The following TTC29 variants were observed in gnomAD, a reference collection of about 807,000 sequenced individuals.
TTC29 encodes the protein tetratricopeptide repeat protein 29.
In TTC29, 49 loss-of-function variants were observed where a neutral mutation model predicts 58.1. That is an observed-to-expected ratio of 0.84 (90% confidence interval 0.67 to 1.07). TTC29 has a LOEUF of 1.07. TTC29 is among the 50% of genes least tolerant of loss of function. The pLI is 0.00. For synonymous variants in TTC29, 209 were observed against 196.8 expected (o/e 1.06, Z -0.52); for missense variants, 582 against 555.6 (o/e 1.05, Z -0.48).
chr4:146,736,687 G>T (rs776743131), intron 11 of TTC29, among the ~76,000 whole-genome samples: 1 of 152,156 alleles, frequency 6.6e-6, no homozygotes, highest in Non-Finnish European at 1.5e-5. Context: ...ATTAAGTAAA[G>T]CTACCCTGAT....
Position 146,808,287 on chromosome 4 carries a change from T to C in TTC29, c.1102-4602A>G, listed in dbSNP as rs1176891094. ...GACAAACCCACAGCCAATATCATAC[T>C]TAATGGGCACAAGCTGGAAGCATTC... On this transcript the variant is annotated intron_variant, in intron 10 of 12. Transcript: ENST00000325106. Among the ~76,000 whole-genome samples the C allele has an allele frequency of 6.6e-5, 10 of 152,332 alleles. 1 individual carries two copies. The highest frequency in any genetic ancestry group is 3.4e-3 in the Middle Eastern group (1 of 294).
intron 6 of TTC29, among the ~76,000 whole-genome samples, chr4:146,894,134 G>A (rs1007156387): frequency 6.6e-6 from 1 of 151,762 alleles, no homozygotes; most frequent in Non-Finnish European, 1.5e-5. Flanking sequence ...ATTCCTCAGG[G>A]ATCTAGAACT....
intron 4 of TTC29, among the ~76,000 whole-genome samples, chr4:146,936,369 AATT>A (rs1163605127): frequency 6.6e-6 from 1 of 152,162 alleles, no homozygotes; most frequent in African/African-American, 2.4e-5. Context: ...ATTTAATTCC[AATT>A]ATTAAGCCAA....
chr4:146,921,924 A>G (rs1450366572), intron 4 of TTC29, among the ~76,000 whole-genome samples: 6 of 149,816 alleles, frequency 4.0e-5, no homozygotes, highest in Non-Finnish European at 1.5e-5. Context: ...TTGTAAATTG[A>G]TACATTTAGT....
At chr4:146,884,136 A>G (rs759496743) in intron 6 of TTC29, among the ~76,000 whole-genome samples, 6 of 152,150 alleles carry the variant, frequency 3.9e-5, no homozygotes, top group Admixed American at 1.3e-4. Context: ...TAGATGAAGA[A>G]TAAACTGACA....
At chr4:146,841,631 GTTCT>G (rs1436258702) in intron 8 of TTC29, among the ~76,000 whole-genome samples, 3 of 151,354 alleles carry the variant, frequency 2.0e-5, no homozygotes, top group African/African-American at 7.3e-5. Flanking sequence ...CCTTCCCATT[GTTCT>G]TTCTTCCTGA....
At chr4:146,808,345 T>G (rs188192556) in intron 10 of TTC29, among the ~76,000 whole-genome samples, 11 of 152,272 alleles carry the variant, frequency 7.2e-5, no homozygotes, top group Middle Eastern at 6.8e-3. Flanking sequence ...AAGGATGTCC[T>G]CTCTCACCAC....
intron 10 of TTC29, among the ~76,000 whole-genome samples, chr4:146,817,796 G>T (rs1195314604): frequency 6.6e-6 from 1 of 152,126 alleles, no homozygotes; most frequent in East Asian, 1.9e-4. Flanking sequence ...ACAAGTATCT[G>T]ATCTTTGACA....
At position 146,708,355 on chromosome 4, in the gene TTC29, T is replaced by TATAC. The variant is rs1197518357; in HGVS notation, c.1331-805_1331-804insGTAT. On this transcript the variant is annotated intron_variant, in intron 11 of 12. Coordinates refer to ENST00000325106, the MANE Select transcript of TTC29 (RefSeq NM_031956.4). ...ATATATATATATATATATATATATA[T>TATAC]ACACATGTATGTGTGTGTATATATA... 2.7e-3 allele frequency among the ~76,000 whole-genome samples: 53 copies of TATAC among 19,886 alleles called. 1 individual carries two copies. The highest frequency in any genetic ancestry group is 4.1e-3 in the African/African-American group (45 of 11,074). 13.0% of individuals were successfully genotyped at this position (19,886 alleles called of 152,430 possible).
chr4:146,785,648 T>C (rs1393120739), intron 11 of TTC29, among the ~76,000 whole-genome samples: 1 of 152,196 alleles, frequency 6.6e-6, no homozygotes, highest in South Asian at 2.1e-4. Context: ...CCTTTACTCA[T>C]GTGACTCATT....
rs551439969 is a variant in TTC29 at position 146,737,594 on chromosome 4, G to T, written c.1331-30043C>A. The stretch of plus-strand genomic sequence containing the variant: ...TGAGGCTGATGCTAGTAGCCCTGGG[G>T]GGGGGGGGGCTACAAACGGGTCTTG... On this transcript the variant is annotated intron_variant, in intron 11 of 12. Coordinates refer to ENST00000325106, the MANE Select transcript of TTC29 (RefSeq NM_031956.4). 4.7e-5 allele frequency among the ~76,000 whole-genome samples: 7 copies of T among 148,766 alleles called. 1 individual carries two copies. The highest frequency in any genetic ancestry group is 2.0e-4 in the East Asian group (1 of 5,026).
intron 11 of TTC29, among the ~76,000 whole-genome samples, chr4:146,752,294 T>A (rs1746065254): frequency 7.4e-6 from 1 of 135,390 alleles, no homozygotes; most frequent in African/African-American, 3.0e-5. Flanking sequence ...GAGAGCCAAA[T>A]CATGAGTGAA....
intron 8 of TTC29, among the ~76,000 whole-genome samples, chr4:146,834,592 T>C (rs571258288): frequency 2.0e-5 from 3 of 152,194 alleles, no homozygotes; most frequent in Non-Finnish European, 4.4e-5. Flanking sequence ...TTCTTCCTTT[T>C]TCCTTCATTA....
At chr4:146,831,882 G>T in intron 9 of TTC29, 1 of 209,748 alleles carries the variant, frequency 4.8e-6, no homozygotes, top group Non-Finnish European at 1.0e-5. Flanking sequence ...GCGCTTAGTA[G>T]ATGTTTATAA....
chr4:146,829,326 A>C (rs919624510), intron 9 of TTC29, among the ~76,000 whole-genome samples: 3 of 152,216 alleles, frequency 2.0e-5, no homozygotes, highest in African/African-American at 4.8e-5. Flanking sequence ...AGAAGTAATC[A>C]ATAAAGGATG....
In TTC29 at chr4:146,741,946, T is replaced by A. The variant is rs575553004; in HGVS notation, c.1331-34395A>T. ...CTAGCCCTTCAGCCAAGGAACTTTATCACAATGGGAGTTAGCACTGTGGGA... is the reference window on the plus strand; with the variant it reads ...CTAGCCCTTCAGCCAAGGAACTTTAACACAATGGGAGTTAGCACTGTGGGA... On this transcript the variant is annotated intron_variant, in intron 11 of 12. Coordinates refer to ENST00000325106, the MANE Select transcript of TTC29 (RefSeq NM_031956.4). Among the ~76,000 whole-genome samples, 3 of 152,306 alleles carry A rather than the reference T, an allele frequency of 2.0e-5. No homozygotes were observed. The East Asian group carries it at 5.8e-4, about 29-fold the overall frequency.
chr4:146,827,208 A>G (rs1727868573), intron 9 of TTC29, among the ~76,000 whole-genome samples: 1 of 151,952 alleles, frequency 6.6e-6, no homozygotes, highest in African/African-American at 2.4e-5. Context: ...ACCACACCAC[A>G]CTGCTCTTCC....
chr4:146,865,437 C>A (rs1730500970), intron 8 of TTC29, among the ~76,000 whole-genome samples: 1 of 152,156 alleles, frequency 6.6e-6, no homozygotes, highest in South Asian at 2.1e-4. Context: ...AACAGAAAAT[C>A]AAATACCACT....
At chr4:146,862,010 C>T (rs1236402652) in intron 8 of TTC29, among the ~76,000 whole-genome samples, 1 of 152,038 alleles carries the variant, frequency 6.6e-6, no homozygotes. Context: ...CCTAACACGA[C>T]AAAGCTGTTT....
Sources: gnomAD v4.1 joint callset for allele counts (sites outside exome capture counted in the v4.1 genomes callset) on GRCh38, gnomAD v4.1.1 for gene constraint, MANE v1.5 for transcripts, NCBI Gene and HGNC (gene_info 2026-07-23, HGNC 2026-07-21) for gene names.